Variants in COL9A1 observed in about 807,000 individuals in gnomAD.
COL9A1 encodes collagen alpha-1(IX) chain.
A neutral mutation model predicts 142.6 loss-of-function variants in COL9A1; 104 were observed. The observed-to-expected ratio is 0.73, with a 90% CI of 0.62 to 0.86. COL9A1 has a LOEUF of 0.86. COL9A1 is among the 40% of genes least tolerant of loss of function. The pLI is 0.00. For missense variants in COL9A1, 1,210 were observed against 1,176.6 expected (o/e 1.03, Z -0.42); for synonymous variants, 466 against 396.0 (o/e 1.18, Z -2.10).
intron 28 of COL9A1, among the ~76,000 whole-genome samples, chr6:70,243,038 T>C (rs1300627718): frequency 6.6e-6 from 1 of 152,254 alleles, no homozygotes; most frequent in Non-Finnish European, 1.5e-5. Context: ...TTATGTGTTC[T>C]TAAGGTATTG....
At position 70,302,954 on chromosome 6, in the gene COL9A1, C is replaced by G. The variant is rs1583360308; in HGVS notation, c.-30G>C. 2 of 1,613,058 alleles carry G rather than the reference C, an allele frequency of 1.2e-6. No homozygotes were observed. Among genetic ancestry groups the G allele is most frequent in the Non-Finnish European group, 1.7e-6 (2 of 1,179,006 alleles). ...CCAGTTGATTTTCTTTGTTTGCCAACAGTCCCTATGAAGAAGGGGTTGGAA... is the reference window on the plus strand; with the variant it reads ...CCAGTTGATTTTCTTTGTTTGCCAAGAGTCCCTATGAAGAAGGGGTTGGAA... On this transcript the variant is annotated 5_prime_UTR_variant, in exon 1 of 38. Coordinates refer to ENST00000357250, the MANE Select transcript of COL9A1 (RefSeq NM_001851.6).
Position 70,279,160 on chromosome 6 carries a change from A to G in COL9A1, c.975+1652T>C, listed in dbSNP as rs571697690. Among the ~76,000 whole-genome samples the G allele has an allele frequency of 6.6e-5, 10 of 152,362 alleles. No individual in the cohort carries two copies. The South Asian group carries it at 2.1e-3, about 32-fold the overall frequency. ...GCTGATTGAAATTTCAAAGGAATAT[A>G]GAAATAAATTCAAGCTACATTAGGC... is the stretch of plus-strand genomic sequence containing the variant. On this transcript the variant is annotated intron_variant, in intron 10 of 37. Coordinates refer to ENST00000357250, the MANE Select transcript of COL9A1 (RefSeq NM_001851.6).
intron 36 of COL9A1, among the ~76,000 whole-genome samples, chr6:70,227,293 G>C (rs1769286206): frequency 6.6e-6 from 1 of 151,266 alleles, no homozygotes; most frequent in Admixed American, 6.6e-5. Context: ...ATACAAAAAG[G>C]CCAACAACAC....
Position 70,271,668 on chromosome 6 carries a change from C to A in COL9A1, c.1130G>T (p.Arg377Leu), listed in dbSNP as rs142328549. ...GTAGLPGELG[R>L]VGPVGDPGRR... Reference sequence around the variant, plus strand: ...TGTGGTACTCACAACAGGTCCTACACGGCCAAGCTCTCCAGGGAGTCCTGC... The same window carrying A: ...TGTGGTACTCACAACAGGTCCTACAAGGCCAAGCTCTCCAGGGAGTCCTGC... Residue 377 changes from arginine to leucine, a missense_variant, in exon 14 of 38, where the codon CGT becomes CTT. By Grantham distance (102) the Arg-to-Leu change is moderately radical. Coordinates refer to ENST00000357250, the MANE Select transcript of COL9A1 (RefSeq NM_001851.6). 18 of 1,613,836 alleles carry A rather than the reference C, an allele frequency of 1.1e-5. No homozygotes were observed. The highest frequency in any genetic ancestry group is 1.5e-5 in the Non-Finnish European group (18 of 1,179,774).
At chr6:70,254,862 G>C in intron 24 of COL9A1, 101 bp downstream of exon 24, 1 of 1,122,328 alleles carries the variant, frequency 8.9e-7, no homozygotes, top group Non-Finnish European at 1.3e-6. Context: ...GCCAAAGCTA[G>C]CTAAATAAAT....
chr6:70,247,597 C>T (rs899980042), intron 28 of COL9A1, among the ~76,000 whole-genome samples: 1 of 152,164 alleles, frequency 6.6e-6, no homozygotes, highest in African/African-American at 2.4e-5. Context: ...TGCTGATTAA[C>T]CTAGGAGATC....
At chr6:70,218,639 C>A (rs1284600964) in intron 37 of COL9A1, among the ~76,000 whole-genome samples, 1 of 152,096 alleles carries the variant, frequency 6.6e-6, no homozygotes, top group African/African-American at 2.4e-5. Context: ...TATTTGGTTA[C>A]TCTCCTTCTT....
intron 11 of COL9A1, among the ~76,000 whole-genome samples, chr6:70,274,349 C>T (rs1302552826): frequency 6.6e-6 from 1 of 152,092 alleles, no homozygotes; most frequent in Non-Finnish European, 1.5e-5. Context: ...CTTCCTGATG[C>T]TCTCCCTCCT....
chr6:70,265,891 A>T (rs1771979003), intron 18 of COL9A1, among the ~76,000 whole-genome samples: 1 of 152,142 alleles, frequency 6.6e-6, no homozygotes, highest in Admixed American at 6.5e-5. Context: ...TTGCCTCTTG[A>T]GTTCTTGACT....
Position 70,253,633 on chromosome 6 carries a change from C to A in COL9A1, c.1720-204G>T, listed in dbSNP as rs573008442. Among the ~76,000 whole-genome samples, 164 of 152,332 alleles carry A rather than the reference C, an allele frequency of 1.1e-3. 1 individual carries two copies. Among genetic ancestry groups the A allele is most frequent in the African/African-American group, 3.6e-3 (151 of 41,584 alleles). On this transcript the variant is annotated intron_variant, in intron 25 of 37. Transcript: ENST00000357250. Reference sequence around the variant, plus strand: ...TTTAGAGGGCATGACTTTACTATATCTGGCTTGTTAAAGCTAAGTACCCTT... The same window carrying A: ...TTTAGAGGGCATGACTTTACTATATATGGCTTGTTAAAGCTAAGTACCCTT...
Position 70,232,728 on chromosome 6 carries a change from T to C in COL9A1, c.2358A>G (p.Ser786=). The C allele has an allele frequency of 2.5e-6, 4 of 1,613,906 alleles. No homozygotes were observed. The highest frequency in any genetic ancestry group is 3.4e-6 in the Non-Finnish European group (4 of 1,179,986). The change falls in exon 36 of 38, where the codon TCA becomes TCG. Residue 786 remains serine (S), a synonymous_variant. Coordinates refer to ENST00000357250, the MANE Select transcript of COL9A1 (RefSeq NM_001851.6). ...GCCTTCCAGGAAGCCCAGTGGCACC[T>C]GAGTCTGGACGCTTAAGACTGGCAG... ...EMAASLKRPD[S]GATGLPGRPG...
At chr6:70,261,075 A>G (rs1404561138) in intron 19 of COL9A1, 27 of 202,582 alleles carry the variant, frequency 1.3e-4, no homozygotes, top group Non-Finnish European at 3.0e-5. Flanking sequence ...TAACCTGGTT[A>G]CATGTAACAT....
chr6:70,235,018 T>G, intron 33 of COL9A1, 78 bp from the exon 34 acceptor site: 1 of 1,590,324 alleles, frequency 6.3e-7, no homozygotes, highest in Non-Finnish European at 8.6e-7. Context: ...TAAACACTTA[T>G]ATGAAATTTG....
chr6:70,244,797 G>T (rs1770488845), intron 28 of COL9A1, among the ~76,000 whole-genome samples: 1 of 150,872 alleles, frequency 6.6e-6, no homozygotes, highest in Non-Finnish European at 1.5e-5. Context: ...TTCTCTGCTG[G>T]ACTCTTATTT....
chr6:70,248,765 T>C (rs1361051604), intron 28 of COL9A1, among the ~76,000 whole-genome samples: 1 of 152,182 alleles, frequency 6.6e-6, no homozygotes, highest in Non-Finnish European at 1.5e-5. Context: ...TGCTACCTTA[T>C]GGCAAGCCCT....
chr6:70,293,257 T>G (rs969834033), intron 5 of COL9A1, among the ~76,000 whole-genome samples: 1 of 152,236 alleles, frequency 6.6e-6, no homozygotes, highest in Non-Finnish European at 1.5e-5. Flanking sequence ...TTCCTTTGTT[T>G]CCTTCAAAAG....
In COL9A1 at chr6:70,227,424, T is replaced by TAA. The variant is rs11407353; in HGVS notation, c.2504-1417_2504-1416dup. Among the ~76,000 whole-genome samples the TAA allele has an allele frequency of 9.2e-3, 462 of 50,010 alleles. 13 individuals are homozygous for TAA. The highest frequency in any genetic ancestry group is 0.029 in the African/African-American group (259 of 8,860). The allele number at this position is 50,010 out of a possible 152,430, so 32.8% of individuals were successfully genotyped here. ...CTCATAACAAAATAAATGCAAATTG[T>TAA]AAAAAAAAAAAAAAAAAAAAAAAAG... On this transcript the variant is annotated intron_variant, in intron 36 of 37. Transcript: ENST00000357250.
intron 37 of COL9A1, among the ~76,000 whole-genome samples, chr6:70,221,532 A>G (rs1394243616): frequency 6.6e-6 from 1 of 152,202 alleles, no homozygotes; most frequent in Non-Finnish European, 1.5e-5. Context: ...TCCACTCAAT[A>G]GTCTCAAGCA....
intron 25 of COL9A1, 82 bp from the exon 26 acceptor site, chr6:70,253,511 G>C: frequency 1.0e-6 from 1 of 953,028 alleles, no homozygotes; most frequent in Non-Finnish European, 1.7e-6. Context: ...ACACTGCAGG[G>C]AGGCTGAGGG....
Sources: allele counts gnomAD v4.1 joint callset (sites outside exome capture counted in the v4.1 genomes callset), GRCh38; gene constraint gnomAD v4.1.1; transcripts MANE v1.5; gene names NCBI Gene and HGNC (gene_info 2026-07-23, HGNC 2026-07-21).